The following SYNE3 variants were observed in gnomAD, a reference collection of about 807,000 sequenced individuals.
SYNE3 encodes spectrin repeat containing nuclear envelope family member 3, also known as nesprin-3.
Under a neutral mutation model 111.2 loss-of-function variants are expected in SYNE3, and 100 were observed. The ratio of observed to expected loss-of-function variants is 0.90; its 90% CI spans 0.77 to 1.06. The LOEUF (loss-of-function observed/expected upper bound fraction) is 1.06. Ranked by LOEUF, SYNE3 falls within the 50% of genes least tolerant of loss-of-function variation. The probability of loss-of-function intolerance (pLI) is 0.00; values close to 1 mark genes in which losing one functional copy is unlikely to be tolerated. For missense variants in SYNE3, 1,160 were observed against 1,240.3 expected, an observed-to-expected ratio of 0.94 and a Z score of 0.97; for synonymous variants, 547 against 533.9, an observed-to-expected ratio of 1.02 and a Z score of -0.34.
chr14:95,452,472 G>A, intron 6 of SYNE3, 89 bp from the exon 7 acceptor site: 1 of 1,435,664 alleles, frequency 7.0e-7, no homozygotes, highest in South Asian at 1.5e-5. Flanking sequence ...GGCCAGTGGA[G>A]GTGGGCTAGG....
chr14:95,464,445 G>C (rs1393410166), intron 4 of SYNE3, among the ~76,000 whole-genome samples: 1 of 152,006 alleles, frequency 6.6e-6, no homozygotes. Flanking sequence ...CTAGCCAAAG[G>C]GTGAAGTAGA....
At chr14:95,515,741 C>T (rs1890896488) in intron 1 of SYNE3, among the ~76,000 whole-genome samples, 1 of 152,214 alleles carries the variant, frequency 6.6e-6, no homozygotes, top group South Asian at 2.1e-4. Flanking sequence ...TGACCAGGAA[C>T]CTGGGAGAGT....
intron 1 of SYNE3, among the ~76,000 whole-genome samples, chr14:95,515,380 C>T (rs1345475062): frequency 6.6e-6 from 1 of 152,236 alleles, no homozygotes. Context: ...CCTCCCACCT[C>T]CCAGCTCCTG....
chr14:95,433,420 C>G lies in SYNE3; in HGVS notation c.2539-11G>C, dbSNP rs760060634. 1.2e-6 allele frequency: 2 copies of G among 1,613,370 alleles called. No individual in the cohort carries two copies. Among genetic ancestry groups the G allele is most frequent in the Non-Finnish European group, 1.7e-6 (2 of 1,179,614 alleles). On this transcript the variant is annotated splice_polypyrimidine_tract_variant and intron_variant, in intron 15 of 17. Coordinates refer to ENST00000682763, the MANE Select transcript of SYNE3 (RefSeq NM_152592.6). ...CCGAGCCTCCAGCTCCTGGGGGAAA[C>G]AGCAGCGTCATGGTGCGGCTTCCAA...
rs572478808 is a variant in SYNE3, at chr14:95,439,685, C to T, written c.2173G>A (p.Val725Met). 2.9e-5 allele frequency: 46 copies of T among 1,614,024 alleles called. No homozygotes were observed. The highest frequency in any genetic ancestry group is 5.0e-5 in the Admixed American group (3 of 60,004). Residue 725 changes from valine to methionine, a missense_variant, in exon 13 of 18, where the codon GTG (valine) becomes ATG (methionine). Coordinates refer to ENST00000682763, the MANE Select transcript of SYNE3 (RefSeq NM_152592.6). ...AGCTCCCTGAGCTCCTCCTGCACCACGGCAGCACCCTCCGGAGAAGACTTC... is the reference window on the plus strand; with the variant it reads ...AGCTCCCTGAGCTCCTCCTGCACCATGGCAGCACCCTCCGGAGAAGACTTC... ...MEKSSPEGAA[V>M]VQEELRELAE...
chr14:95,491,943 T>C (rs1301217367), intron 1 of SYNE3, among the ~76,000 whole-genome samples: 1 of 152,174 alleles, frequency 6.6e-6, no homozygotes, highest in East Asian at 1.9e-4. Context: ...AGGCAAATGA[T>C]TTGAATAGAC....
chr14:95,452,591 G>T (rs4905323), intron 6 of SYNE3, among the ~76,000 whole-genome samples: 65,389 of 152,078 alleles, frequency 0.43, 14,354 homozygotes, highest in East Asian at 0.6. Flanking sequence ...TTACTGTCTG[G>T]TGCTGGGCTA....
chr14:95,471,927 C>T (rs1888555686), intron 2 of SYNE3, among the ~76,000 whole-genome samples: 1 of 152,164 alleles, frequency 6.6e-6, no homozygotes, highest in African/African-American at 2.4e-5. Context: ...TCAACCCAGC[C>T]AAGACCAGGT....
At chr14:95,472,743 C>A (rs962009893) in intron 2 of SYNE3, among the ~76,000 whole-genome samples, 1 of 152,178 alleles carries the variant, frequency 6.6e-6, no homozygotes, top group Non-Finnish European at 1.5e-5. Flanking sequence ...AACCCAGGAG[C>A]GATGGGTTCT....
intron 1 of SYNE3, among the ~76,000 whole-genome samples, chr14:95,483,808 A>G (rs1053478078): frequency 1.3e-5 from 2 of 152,216 alleles, no homozygotes; most frequent in African/African-American, 4.8e-5. Context: ...TGCGGGCTGC[A>G]GGGCCACGCC....
chr14:95,510,371 G>C (rs1464733023), intron 1 of SYNE3, among the ~76,000 whole-genome samples: 1 of 152,198 alleles, frequency 6.6e-6, no homozygotes, highest in African/African-American at 2.4e-5. Context: ...CCGTGCATTA[G>C]GAAAACCACC....
rs541539668 is a variant in SYNE3 at position 95,500,545 on chromosome 14, G to A, written c.-15+16051C>T. On this transcript the variant is annotated intron_variant, in intron 1 of 17. Transcript: ENST00000682763. This position sits in a 1 kb window ranked among gnomAD's most constrained non-coding sequence, Gnocchi z 4.7. ...TTTGGCCCAGCCGGACTCAGCGGGA[G>A]GAGGCTGCCTTCCTCCTGGAGCTGG... Among the ~76,000 whole-genome samples, 5 of 152,326 alleles carry A rather than the reference G, an allele frequency of 3.3e-5. No homozygotes were observed. Among genetic ancestry groups the A allele is most frequent in the Admixed American group, 6.5e-5 (1 of 15,308 alleles).
chr14:95,446,699 A>G (rs1886740094), intron 8 of SYNE3, among the ~76,000 whole-genome samples: 2 of 152,220 alleles, frequency 1.3e-5, no homozygotes, highest in South Asian at 4.1e-4. Context: ...GATGTGCAGG[A>G]GTTTGCCAGG....
chr14:95,456,742 C>T (rs1887464023), intron 5 of SYNE3, among the ~76,000 whole-genome samples: 1 of 152,104 alleles, frequency 6.6e-6, no homozygotes, highest in Non-Finnish European at 1.5e-5. Flanking sequence ...GTCTGTGGGC[C>T]ATGGGTTCTT....
chr14:95,490,931 C>T (rs901443756), intron 1 of SYNE3, among the ~76,000 whole-genome samples: 22 of 152,224 alleles, frequency 1.4e-4, no homozygotes, highest in Admixed American at 1.1e-3. Context: ...TAGAATGTCC[C>T]GCTCAAGGGC....
At chr14:95,475,657 T>A in intron 2 of SYNE3, 21 bp downstream of exon 2, 3 of 1,490,972 alleles carry the variant, frequency 2.0e-6, no homozygotes, top group Non-Finnish European at 2.7e-6. Context: ...CAGGGCCATC[T>A]GAGGCCACGC....
At chr14:95,427,010 T>G (rs941580194) in intron 17 of SYNE3, among the ~76,000 whole-genome samples, 3 of 151,074 alleles carry the variant, frequency 2.0e-5, no homozygotes, top group Non-Finnish European at 4.4e-5. Flanking sequence ...TATATGAATA[T>G]CATTAATCAT....
intron 17 of SYNE3, among the ~76,000 whole-genome samples, chr14:95,430,376 G>T (rs1049165978): frequency 7.9e-5 from 12 of 151,874 alleles, no homozygotes; most frequent in African/African-American, 2.9e-4. Flanking sequence ...CTTTCCTGAT[G>T]ATTTTCCCTT....
intron 1 of SYNE3, among the ~76,000 whole-genome samples, chr14:95,501,694 T>C (rs1476493472): frequency 2.0e-5 from 3 of 151,726 alleles, no homozygotes; most frequent in Non-Finnish European, 4.4e-5. Flanking sequence ...GAAGGGACAG[T>C]GGAGGAGGTG....
Sources: gnomAD v4.1 joint callset for allele counts (sites outside exome capture counted in the v4.1 genomes callset) on GRCh38, gnomAD v4.1.1 for gene constraint, Gnocchi (gnomAD v3.1) non-coding constraint, MANE v1.5 for transcripts, NCBI Gene and HGNC (gene_info 2026-07-23, HGNC 2026-07-21) for gene names.